The following DST variants were observed in gnomAD, a reference collection of about 807,000 sequenced individuals.
DST encodes the protein dystonin.
In DST, 253 loss-of-function variants were observed where a neutral mutation model predicts 875.2. The observed-to-expected ratio is 0.29, with a 90% confidence interval of 0.26 to 0.32. DST has a LOEUF of 0.32. DST is among the 10% of genes least tolerant of loss of function. The pLI is 1.00. For missense variants in DST, 8,287 were observed against 9,111.6 expected, an observed-to-expected ratio of 0.91 and a Z score of 3.68; for synonymous variants, 3,124 against 3,197.1, an observed-to-expected ratio of 0.98 and a Z score of 0.77.
intron 4 of DST, among the ~76,000 whole-genome samples, chr6:56,813,200 C>T (rs1367368217): frequency 7.8e-6 from 1 of 127,792 alleles, no homozygotes; most frequent in South Asian, 2.5e-4. Flanking sequence ...CACATGGACA[C>T]AGGAAGGGGA....
intron 36 of DST, 148 bp from the exon 37 acceptor site, chr6:56,614,632 T>A: frequency 7.8e-7 from 1 of 1,287,520 alleles, no homozygotes; most frequent in Non-Finnish European, 9.8e-7. Flanking sequence ...TTAACCATAT[T>A]TACCATGTCA....
At chr6:56,620,028 G>A (rs1312977486) in intron 36 of DST, 1 of 1,613,730 alleles carries the variant, frequency 6.2e-7, no homozygotes, top group East Asian at 2.2e-5. Context: ...GGACACACTG[G>A]CAATGCATTT....
intron 4 of DST, among the ~76,000 whole-genome samples, chr6:56,814,134 A>C (rs2099763896): frequency 6.6e-6 from 1 of 152,184 alleles, no homozygotes; most frequent in Non-Finnish European, 1.5e-5. Context: ...ATATAGACAA[A>C]ACTACACATT....
chr6:56,671,156 A>G (rs1045593406), intron 9 of DST, among the ~76,000 whole-genome samples: 4 of 152,230 alleles, frequency 2.6e-5, no homozygotes, highest in Non-Finnish European at 5.9e-5. Flanking sequence ...ACAGATTGAA[A>G]AAGTCAGATT....
chr6:56,675,592 G>C (rs879778348), intron 9 of DST, among the ~76,000 whole-genome samples: 2 of 152,198 alleles, frequency 1.3e-5, no homozygotes, highest in African/African-American at 2.4e-5. Context: ...GGTGGCTCAC[G>C]CCTGTAATCC....
intron 10 of DST, among the ~76,000 whole-genome samples, chr6:56,661,353 A>G (rs2099040109): frequency 6.6e-6 from 1 of 152,214 alleles, no homozygotes; most frequent in East Asian, 1.9e-4. Context: ...TCTTCATGTG[A>G]GAGAAAGGTA....
chr6:56,903,012 A>G (rs550539714), intron 2 of DST, among the ~76,000 whole-genome samples: 2 of 145,904 alleles, frequency 1.4e-5, no homozygotes, highest in Non-Finnish European at 3.0e-5. Context: ...TAATTTTTCT[A>G]CACTTTGAAG....
chr6:56,831,355 G>A (rs2099786736), intron 4 of DST, among the ~76,000 whole-genome samples: 2 of 152,186 alleles, frequency 1.3e-5, no homozygotes. Flanking sequence ...TCAATTTTGT[G>A]ATAATACTTT....
chr6:56,872,144 T>C (rs149024827), intron 3 of DST, among the ~76,000 whole-genome samples: 15 of 152,224 alleles, frequency 9.9e-5, no homozygotes, highest in African/African-American at 3.4e-4. Context: ...GTGGCACTCA[T>C]ACAGTAAAGG....
At chr6:56,536,757 A>G (rs772105774) in intron 62 of DST, 22 bp downstream of exon 62, 9 of 1,510,052 alleles carry the variant, frequency 6.0e-6, no homozygotes, top group Admixed American at 2.1e-5. Flanking sequence ...CAAAATAGCA[A>G]TGAAGGGGGT....
intron 17 of DST, among the ~76,000 whole-genome samples, chr6:56,640,904 A>AT (rs1188451037): frequency 2.0e-5 from 3 of 152,092 alleles, no homozygotes; most frequent in African/African-American, 7.2e-5. Flanking sequence ...TTGCATCATG[A>AT]TTTTTTTCAA....
At chr6:56,595,116 C>A (rs2098348633) in intron 47 of DST, among the ~76,000 whole-genome samples, 1 of 152,144 alleles carries the variant, frequency 6.6e-6, no homozygotes. Flanking sequence ...TGGGCAATTT[C>A]CCACATTTCT....
chr6:56,678,464 ACT>A (rs1188169685), intron 9 of DST, among the ~76,000 whole-genome samples: 2 of 152,156 alleles, frequency 1.3e-5, no homozygotes, highest in African/African-American at 4.8e-5. Context: ...TTTTTCTTCA[ACT>A]CTCATAAATT....
chr6:56,496,651 A>C (rs1377963672), intron 82 of DST, among the ~76,000 whole-genome samples: 1 of 152,098 alleles, frequency 6.6e-6, no homozygotes, highest in African/African-American at 2.4e-5. Context: ...CCACCCATAC[A>C]GGCTTATTTT....
chr6:56,751,875 G>C (rs1428954044), intron 4 of DST, among the ~76,000 whole-genome samples: 1 of 152,098 alleles, frequency 6.6e-6, no homozygotes, highest in Non-Finnish European at 1.5e-5. Flanking sequence ...GGATATTATA[G>C]AATTTTAAAC....
Position 56,463,146 on chromosome 6 carries a change from G to T in DST, c.22970C>A (p.Pro7657His). 6.2e-7 allele frequency: 1 copy of T among 1,606,302 alleles called. No individual in the cohort carries two copies. Among genetic ancestry groups the T allele is most frequent in the South Asian group, 1.1e-5 (1 of 90,880 alleles). Residue 7657 changes from proline (P) to histidine (H), a missense_variant, in exon 102 of 104, where the codon CCT (proline) becomes CAT (histidine). By Grantham distance (77) the Pro-to-His change is moderately conservative (BLOSUM62 -2). This residue lies in a region of DST where 240 missense variants were observed against 237.3 expected (regional missense o/e 1.01). Transcript: ENST00000680361. ...PATTTPKILH[P>H]LTRNYGKPWL... ...TGGTTTACCATAATTGCGTGTTAAA[G>T]GATGGAGAATCTGTATGGAACAATG... is the stretch of plus-strand genomic sequence containing the variant.
chr6:56,504,027 T>G lies in DST; in HGVS notation c.19536A>C (p.Glu6512Asp). The G allele has an allele frequency of 1.2e-6, 2 of 1,609,278 alleles. No individual in the cohort carries two copies. The highest frequency in any genetic ancestry group is 1.7e-6 in the Non-Finnish European group (2 of 1,177,978). Residue 6512 changes from glutamate to aspartate, a missense_variant, in exon 78 of 104, where the codon GAA becomes GAC. Glu to Asp is a conservative substitution (Grantham distance 45). Coordinates refer to ENST00000680361, the MANE Select transcript of DST (RefSeq NM_001374736.1). ...ASMSPIGTDL[E>D]TVKQQIEELK... is the part of the protein sequence containing the mutation. ...GCTCTTCAATCTGCTGCTTGACAGTTTCGAGATCTGTTCCAATTGGAGACA... is the reference window on the plus strand; with the variant it reads ...GCTCTTCAATCTGCTGCTTGACAGTGTCGAGATCTGTTCCAATTGGAGACA...
chr6:56,896,809 CTGTT>C (rs1228799656), intron 3 of DST, among the ~76,000 whole-genome samples: 1 of 152,080 alleles, frequency 6.6e-6, no homozygotes, highest in Non-Finnish European at 1.5e-5. Context: ...TCTGATGGGA[CTGTT>C]TGTTTTTTTC....
chr6:56,937,348 T>C (rs1813544597), intron 2 of DST, among the ~76,000 whole-genome samples: 1 of 152,142 alleles, frequency 6.6e-6, no homozygotes, highest in Admixed American at 6.6e-5. Context: ...AATTTTACAA[T>C]GGACAAAAGA....
Sources: allele counts gnomAD v4.1 joint callset (sites outside exome capture counted in the v4.1 genomes callset), GRCh38; gene constraint gnomAD v4.1.1; regional missense constraint gnomAD v4.1.1; transcripts MANE v1.5; gene names NCBI Gene and HGNC (gene_info 2026-07-23, HGNC 2026-07-21).